Variants in LGSN observed in about 807,000 individuals in gnomAD.
LGSN encodes lengsin.
A neutral mutation model predicts 19.5 loss-of-function variants in LGSN; 21 were observed. The ratio of observed to expected loss-of-function variants is 1.07; its 90% CI spans 0.76 to 1.55. LGSN has a LOEUF of 1.55. Among genes scored for constraint, LGSN ranks in the 40% most tolerant of loss-of-function variants. The pLI is 0.00. For synonymous variants in LGSN, 257 were observed against 215.6 expected, an observed-to-expected ratio of 1.19 and a Z score of -1.68; for missense variants, 673 against 608.5, an observed-to-expected ratio of 1.11 and a Z score of -1.12.
the LGSN span, among the ~76,000 whole-genome samples, chr6:63,359,387 G>T: frequency 6.6e-6 from 1 of 152,142 alleles, no homozygotes; most frequent in Admixed American, 6.5e-5. Context: ...TCTATTGATT[G>T]GAAAAGTTTC....
At chr6:63,426,180 G>C in the LGSN span, among the ~76,000 whole-genome samples, 2 of 152,142 alleles carry the variant, frequency 1.3e-5, no homozygotes, top group Non-Finnish European at 2.9e-5. Flanking sequence ...ATGAAGAGTG[G>C]TGGTTGTTTC....
At chr6:63,381,008 G>C in the LGSN span, among the ~76,000 whole-genome samples, 1 of 152,072 alleles carries the variant, frequency 6.6e-6, no homozygotes, top group Non-Finnish European at 1.5e-5. Flanking sequence ...ATCAGCCTGG[G>C]CAACACGGCA....
the LGSN span, among the ~76,000 whole-genome samples, chr6:63,329,118 A>C: frequency 6.6e-6 from 1 of 152,192 alleles, no homozygotes; most frequent in Non-Finnish European, 1.5e-5. Context: ...GAGGCTTCTG[A>C]ACTGGTAGCC....
the LGSN span, among the ~76,000 whole-genome samples, chr6:63,494,080 G>T: frequency 6.6e-5 from 10 of 151,480 alleles, no homozygotes; most frequent in Admixed American, 4.6e-4. Context: ...CTCCCAAGTA[G>T]CTGGGATTAC....
At chr6:63,354,480 G>A in the LGSN span, among the ~76,000 whole-genome samples, 1 of 152,006 alleles carries the variant, frequency 6.6e-6, no homozygotes, top group Non-Finnish European at 1.5e-5. Context: ...TTATTAAAAA[G>A]ACAAAAATAT....
At chr6:63,320,893 A>G (rs1769058199), upstream of LGSN, among the ~76,000 whole-genome samples, 1 of 152,132 alleles carries the variant, frequency 6.6e-6, no homozygotes, top group African/African-American at 2.4e-5. Context: ...GCCCATTTCA[A>G]AAGCCCCATT....
chr6:63,329,397 C>T, the LGSN span, among the ~76,000 whole-genome samples: 2 of 152,324 alleles, frequency 1.3e-5, no homozygotes, highest in African/African-American at 4.8e-5. Flanking sequence ...TTGGGTACAA[C>T]TGGATATAGT....
the LGSN span, among the ~76,000 whole-genome samples, chr6:63,347,966 G>A: frequency 6.6e-6 from 1 of 152,238 alleles, no homozygotes; most frequent in East Asian, 1.9e-4. Flanking sequence ...TAAGATATAA[G>A]ATCAAGTCTG....
At chr6:63,351,534 C>CT in the LGSN span, among the ~76,000 whole-genome samples, 6 of 152,216 alleles carry the variant, frequency 3.9e-5, no homozygotes, top group Admixed American at 1.3e-4. Flanking sequence ...TTTCAGCTCA[C>CT]TGCAACCTCT....
chr6:63,455,224 G>T, the LGSN span, among the ~76,000 whole-genome samples: 6 of 152,182 alleles, frequency 3.9e-5, no homozygotes, highest in African/African-American at 1.2e-4. Flanking sequence ...ACTTTATCCA[G>T]TTCAGAAAGA....
At chr6:63,370,172 A>G in the LGSN span, among the ~76,000 whole-genome samples, 1 of 152,228 alleles carries the variant, frequency 6.6e-6, no homozygotes, top group Non-Finnish European at 1.5e-5. Context: ...ATGCCAGGTA[A>G]CATCCCCCTC....
chr6:63,526,277 A>T, the LGSN span, among the ~76,000 whole-genome samples: 2 of 151,996 alleles, frequency 1.3e-5, no homozygotes, highest in Admixed American at 6.6e-5. Flanking sequence ...GTGAACCAAG[A>T]TCTCACCACT....
At chr6:63,284,908 G>A (rs1011860339) in intron 3 of LGSN, among the ~76,000 whole-genome samples, 3 of 152,148 alleles carry the variant, frequency 2.0e-5, no homozygotes, top group Non-Finnish European at 4.4e-5. Context: ...GTTAAACCTA[G>A]AGGATGCTTA....
the LGSN span, among the ~76,000 whole-genome samples, chr6:63,480,940 G>GAGATATATATATATATAT: frequency 5.0e-5 from 3 of 59,866 alleles, no homozygotes; most frequent in Non-Finnish European, 8.3e-5. Flanking sequence ...TAAAGAAAAT[G>GAGATATATATATATATAT]ATATATATAT....
At chr6:63,445,920 C>T in the LGSN span, among the ~76,000 whole-genome samples, 1 of 152,090 alleles carries the variant, frequency 6.6e-6, no homozygotes, top group Non-Finnish European at 1.5e-5. Flanking sequence ...CATCATCACA[C>T]TCCAAGTAAA....
chr6:63,456,422 G>A, the LGSN span, among the ~76,000 whole-genome samples: 1 of 132,458 alleles, frequency 7.5e-6, no homozygotes, highest in Non-Finnish European at 1.6e-5. Context: ...TAGAGACGAG[G>A]GTCTGCCTAT....
At chr6:63,405,613 A>C in the LGSN span, among the ~76,000 whole-genome samples, 1 of 152,194 alleles carries the variant, frequency 6.6e-6, no homozygotes, top group East Asian at 1.9e-4. Context: ...TCTTTTGAGA[A>C]GTGTCTGTTC....
At chr6:63,435,927 AG>A in the LGSN span, among the ~76,000 whole-genome samples, 68 of 145,824 alleles carry the variant, frequency 4.7e-4, no homozygotes, top group African/African-American at 1.5e-3. Flanking sequence ...AAAAAAAAAA[AG>A]AAAAACCACT....
chr6:63,356,798 A>C, the LGSN span, among the ~76,000 whole-genome samples: 1 of 152,182 alleles, frequency 6.6e-6, no homozygotes, highest in Non-Finnish European at 1.5e-5. Flanking sequence ...AAGCATCTTT[A>C]TGGTTACAAA....
Sources: gnomAD v4.1 joint callset for allele counts (sites outside exome capture counted in the v4.1 genomes callset) on GRCh38, gnomAD v4.1.1 for gene constraint, MANE v1.5 for transcripts, NCBI Gene and HGNC (gene_info 2026-07-23, HGNC 2026-07-21) for gene names.